CDH23: variants seen among roughly 807,000 people sequenced by gnomAD.
The protein encoded by CDH23 is cadherin-23.
CDH23 carries 189 observed loss-of-function variants against 317.1 expected under a neutral mutation model. The ratio of observed to expected loss-of-function variants is 0.60; its 90% confidence interval spans 0.53 to 0.67. The LOEUF (loss-of-function observed/expected upper bound fraction) is 0.67, where lower values mean the gene tolerates loss of function less well. Among genes scored for constraint, CDH23 ranks in the 30% least tolerant of loss-of-function variants. The pLI is 0.00. For missense variants in CDH23, 4,401 were observed against 4,592.4 expected, an observed-to-expected ratio of 0.96 and a Z score of 1.20; for synonymous variants, 1,839 against 1,876.8, an observed-to-expected ratio of 0.98 and a Z score of 0.52.
At chr10:71,535,202 T>G (rs1855629023) in intron 6 of CDH23, among the ~76,000 whole-genome samples, 1 of 152,162 alleles carries the variant, frequency 6.6e-6, no homozygotes, top group Non-Finnish European at 1.5e-5. Flanking sequence ...TGGGAGCGGG[T>G]GGATGGTGCT....
chr10:71,645,052 T>C (rs1862766057), intron 12 of CDH23, among the ~76,000 whole-genome samples: 1 of 152,234 alleles, frequency 6.6e-6, no homozygotes, highest in Admixed American at 6.5e-5. Context: ...CATCACATGC[T>C]TTCTGTGAGG....
intron 9 of CDH23, among the ~76,000 whole-genome samples, chr10:71,592,467 G>A (rs923706357): frequency 1.3e-5 from 2 of 152,124 alleles, no homozygotes; most frequent in Non-Finnish European, 2.9e-5. Context: ...GTTCCTTCTA[G>A]AAACTCCAGG....
intron 1 of CDH23, among the ~76,000 whole-genome samples, chr10:71,409,448 G>A (rs1176821144): frequency 6.6e-6 from 1 of 152,160 alleles, no homozygotes; most frequent in African/African-American, 2.4e-5. Context: ...GGAAAAACTT[G>A]TTATGTGGTA....
rs1207646496 is a variant in CDH23, at chr10:71,586,188, TG to T, written c.832+8202del. On this transcript the variant is annotated intron_variant, in intron 9 of 69. Coordinates refer to ENST00000224721, the MANE Select transcript of CDH23 (RefSeq NM_022124.6). ...CATGGCTGAGGCAGCTCTGTGGGGT[TG>T]GGGGGTTTCTAGCTCATGGCTGGAG... is the stretch of plus-strand genomic sequence containing the variant. Among the ~76,000 whole-genome samples, 4 of 152,268 alleles carry T rather than the reference TG, an allele frequency of 2.6e-5. No individual in the cohort carries two copies. In the East Asian group the frequency reaches 5.8e-4, roughly 22 times the overall value.
Position 71,694,223 on chromosome 10 carries a change from G to C in CDH23, c.2253G>C (p.Gly751=), listed in dbSNP as rs2132713598. 1 of 1,613,486 alleles carries C rather than the reference G, an allele frequency of 6.2e-7. No homozygotes were observed. The highest frequency in any genetic ancestry group is 8.5e-7 in the Non-Finnish European group (1 of 1,179,736). The part of the protein sequence containing the change: ...EYILIVRAVD[G]GVGHNQKTGI... Reference sequence around the variant, plus strand: ...TCCTCATCGTTCGCGCAGTGGACGGGGGTGTGGGCCACAACCAGAAAACTG... The same window carrying C: ...TCCTCATCGTTCGCGCAGTGGACGGCGGTGTGGGCCACAACCAGAAAACTG... The change falls in exon 21 of 70, where the codon GGG becomes GGC. Residue 751 remains glycine (G), a synonymous_variant. Transcript: ENST00000224721.
rs577563666 is a variant in CDH23, at chr10:71,574,172, C to T, written c.753+3254C>T. ...GGCCCCCACCGGACCTTTCCCCACT[C>T]TCCCCAACTCCCCCTCTTTATCTGC... On this transcript the variant is annotated intron_variant, in intron 8 of 69. Transcript: ENST00000224721. 2.0e-5 allele frequency among the ~76,000 whole-genome samples: 3 copies of T among 152,166 alleles called. No individual in the cohort carries two copies. In the South Asian group the frequency reaches 6.2e-4, roughly 32 times the overall value.
chr10:71,491,955 G>A (rs116496604), intron 3 of CDH23, among the ~76,000 whole-genome samples: 1,624 of 152,234 alleles, frequency 0.011, 22 homozygotes, highest in African/African-American at 0.032. Flanking sequence ...GGGAGGTCAC[G>A]TCCAGGGCTT....
At chr10:71,513,600 A>G (rs1854116664) in intron 6 of CDH23, among the ~76,000 whole-genome samples, 1 of 152,202 alleles carries the variant, frequency 6.6e-6, no homozygotes, top group Non-Finnish European at 1.5e-5. Context: ...GAGAAATCTC[A>G]GCAGGCTTCC....
intron 3 of CDH23, among the ~76,000 whole-genome samples, chr10:71,500,791 TTTC>T (rs1403159024): frequency 6.9e-6 from 1 of 145,710 alleles, no homozygotes. Context: ...TTTCTTTTCT[TTTC>T]TTTTCTTTTC....
At chr10:71,490,219 A>G (rs1852579525) in intron 3 of CDH23, among the ~76,000 whole-genome samples, 1 of 152,102 alleles carries the variant, frequency 6.6e-6, no homozygotes, top group Non-Finnish European at 1.5e-5. Flanking sequence ...TTATCAGCTC[A>G]TTTATTCATT....
chr10:71,570,355 G>A (rs577375290), intron 7 of CDH23, among the ~76,000 whole-genome samples: 2 of 152,334 alleles, frequency 1.3e-5, no homozygotes, highest in African/African-American at 2.4e-5. Flanking sequence ...GGGGCAGGAA[G>A]TGGGCACAGA....
chr10:71,403,965 G>A (rs1847979169), intron 1 of CDH23, among the ~76,000 whole-genome samples: 1 of 152,124 alleles, frequency 6.6e-6, no homozygotes, highest in South Asian at 2.1e-4. Flanking sequence ...GGTGGCACAT[G>A]CCTGCAGTCC....
Position 71,739,691 on chromosome 10 carries a change from C to G in CDH23, c.4407C>G (p.Ile1469Met). 1 of 1,613,344 alleles carries G rather than the reference C, an allele frequency of 6.2e-7. No homozygotes were observed. The highest frequency in any genetic ancestry group is 8.5e-7 in the Non-Finnish European group (1 of 1,179,640). ...GCAACATCGCGGGGGCCTTTGAGAT[C>G]GTCACCACCAATGACTCCATTGGCG... ...ASGNIAGAFE[I>M]VTTNDSIGEV... The change falls in exon 36 of 70, where the codon ATC becomes ATG. Residue 1469 changes from isoleucine to methionine, a missense_variant. Physicochemically the swap from Ile to Met is conservative, Grantham distance 10. Transcript: ENST00000224721.
intron 6 of CDH23, among the ~76,000 whole-genome samples, chr10:71,532,713 TTTTTTTTTTTTTTG>T (rs1855457685): frequency 3.4e-4 from 14 of 40,884 alleles, no homozygotes; most frequent in African/African-American, 8.1e-4. Flanking sequence ...TTGTTTTTGT[TTTTTTTTTTTTTTG>T]TTTTTTTTTT....
chr10:71,767,087 A>G (rs117378733), intron 38 of CDH23, among the ~76,000 whole-genome samples: 1,696 of 152,296 alleles, frequency 0.011, 18 homozygotes, highest in Non-Finnish European at 0.018. Context: ...TTGGGCCTGG[A>G]CCTGTGCCTG....
rs546161666 is a variant in CDH23 at position 71,805,988 on chromosome 10, G to T, written c.8055G>T (p.Ala2685=). 5 of 1,610,676 alleles carry T rather than the reference G, an allele frequency of 3.1e-6. No homozygotes were observed. The African/African-American group carries it at 5.3e-5, about 17-fold the overall frequency. ...TAQRLDRESQ[A]VYSLILVASD... is the part of the protein sequence containing the mutation. ...AGCGCCTGGACCGCGAGTCGCAGGC[G>T]GTGTACAGCGTAAGGGCGGGGCCCG... The change falls in exon 56 of 70, where the codon GCG becomes GCT. Residue 2685 remains alanine, a synonymous_variant. Transcript: ENST00000224721.
At position 71,705,128 on chromosome 10, in the gene CDH23, A is replaced by G. The variant is rs371477759; in HGVS notation, c.2951A>G (p.His984Arg). The change falls in exon 25 of 70, where the codon CAT (histidine) becomes CGT (arginine). Residue 984 changes from histidine (H) to arginine (R), a missense_variant and splice_region_variant. His to Arg is a conservative substitution (Grantham distance 29). Around this residue, in one of 3 missense-constraint regions of CDH23, gnomAD observed 3,068 missense variants for 3,203.3 expected, o/e 0.96. Transcript: ENST00000224721. ...AGCTCCACCAGCACGCTCACCATCC[A>G]TGGTGAGGGGGCGCAGGGGCTTCTG... is the stretch of plus-strand genomic sequence containing the variant. ...TKSSTSTLTIHVLDVNDETPT... is the reference protein window; with the variant it reads ...TKSSTSTLTIRVLDVNDETPT... The G allele has an allele frequency of 4.4e-6, 7 of 1,608,586 alleles. No homozygotes were observed. Among genetic ancestry groups the G allele is most frequent in the African/African-American group, 2.7e-5 (2 of 74,858 alleles).
intron 14 of CDH23, among the ~76,000 whole-genome samples, chr10:71,652,059 C>T (rs1000685671): frequency 1.3e-5 from 2 of 152,228 alleles, no homozygotes; most frequent in African/African-American, 4.8e-5. Flanking sequence ...ACAAGACAGG[C>T]TTCTTCCCCA....
chr10:71,707,978 G>C (rs1162397514), intron 26 of CDH23, among the ~76,000 whole-genome samples: 2 of 152,114 alleles, frequency 1.3e-5, no homozygotes, highest in Admixed American at 1.3e-4. Flanking sequence ...CCTCCCTGAA[G>C]GGGCCCAGCA....
Sources: gnomAD v4.1 joint callset for allele counts (sites outside exome capture counted in the v4.1 genomes callset) on GRCh38, gnomAD v4.1.1 for gene constraint, gnomAD v4.1.1 regional missense constraint, MANE v1.5 for transcripts, NCBI Gene and HGNC (gene_info 2026-07-23, HGNC 2026-07-21) for gene names.